SAE1: variants seen among roughly 807,000 people sequenced by gnomAD.
SAE1 encodes the protein SUMO1 activating enzyme subunit 1, also known as SUMO-activating enzyme subunit 1.
Under a neutral mutation model 40.6 loss-of-function variants are expected in SAE1, and 11 were observed. The observed-to-expected ratio is 0.27, with a 90% CI of 0.17 to 0.45. SAE1 has a LOEUF of 0.45. Ranked by LOEUF, SAE1 falls within the 20% of genes least tolerant of loss-of-function variation. SAE1 has a pLI of 1.00. For missense variants in SAE1, 373 were observed against 427.3 expected (o/e 0.87, Z 1.12); for synonymous variants, 155 against 154.3 (o/e 1.00, Z -0.03).
chr19:47,146,764 C>G (rs977220172), intron 2 of SAE1, among the ~76,000 whole-genome samples: 10 of 152,194 alleles, frequency 6.6e-5, no homozygotes, highest in Admixed American at 6.6e-4. Flanking sequence ...AGCCACCTCA[C>G]TATGGACCAC....
At chr19:47,159,410 C>T (rs1360762093) in intron 5 of SAE1, among the ~76,000 whole-genome samples, 1 of 152,092 alleles carries the variant, frequency 6.6e-6, no homozygotes, top group Non-Finnish European at 1.5e-5. Context: ...ATTTTAAGCT[C>T]CATAGGGGGA....
At chr19:47,175,325 G>A (rs2058462750) in intron 6 of SAE1, among the ~76,000 whole-genome samples, 1 of 152,038 alleles carries the variant, frequency 6.6e-6, no homozygotes, top group African/African-American at 2.4e-5. Context: ...TTCCTATAAG[G>A]AGACCAAGGT....
At chr19:47,194,236 T>C (rs1256360011) in intron 6 of SAE1, among the ~76,000 whole-genome samples, 1 of 152,168 alleles carries the variant, frequency 6.6e-6, no homozygotes, top group East Asian at 1.9e-4. Context: ...GTGGAGTGAA[T>C]GAATTCTACT....
chr19:47,200,002 C>T (rs945510198), intron 7 of SAE1, among the ~76,000 whole-genome samples: 1 of 151,568 alleles, frequency 6.6e-6, no homozygotes, highest in South Asian at 2.1e-4. Context: ...ATGATCTTGG[C>T]TCACTGCAAG....
At chr19:47,151,738 C>G (rs565719862) in intron 3 of SAE1, among the ~76,000 whole-genome samples, 2 of 152,306 alleles carry the variant, frequency 1.3e-5, no homozygotes, top group Middle Eastern at 6.8e-3. Flanking sequence ...TCCATTTGGA[C>G]ATAAGTCTTC....
At chr19:47,166,705 C>T (rs1194876204) in intron 5 of SAE1, among the ~76,000 whole-genome samples, 1 of 152,172 alleles carries the variant, frequency 6.6e-6, no homozygotes, top group African/African-American at 2.4e-5. Context: ...ATTCTGATGG[C>T]ATTCCCAGAC....
chr19:47,158,840 T>C (rs920152899), intron 5 of SAE1, among the ~76,000 whole-genome samples: 1 of 152,148 alleles, frequency 6.6e-6, no homozygotes. Flanking sequence ...GCATAGACAG[T>C]GGGTAAGGGC....
intron 1 of SAE1, among the ~76,000 whole-genome samples, chr19:47,134,613 A>G (rs1228999556): frequency 6.6e-6 from 1 of 151,240 alleles, no homozygotes; most frequent in African/African-American, 2.4e-5. Flanking sequence ...CTGAGATCCT[A>G]AAGGGTTGGG....
At chr19:47,158,803 C>T (rs2058339679) in intron 5 of SAE1, among the ~76,000 whole-genome samples, 1 of 152,158 alleles carries the variant, frequency 6.6e-6, no homozygotes, top group African/African-American at 2.4e-5. Context: ...TGACCAAGGC[C>T]ACACAGCTGT....
At chr19:47,199,917 C>T (rs2058641858) in intron 7 of SAE1, among the ~76,000 whole-genome samples, 1 of 151,618 alleles carries the variant, frequency 6.6e-6, no homozygotes, top group African/African-American at 2.4e-5. Context: ...AAACTGCTGC[C>T]TATGTTTAGA....
Position 47,143,531 on chromosome 19 carries a change from G to A in SAE1, c.136G>A (p.Gly46Arg), listed in dbSNP as rs2058235800. The A allele has an allele frequency of 6.2e-7, 1 of 1,614,128 alleles. No homozygotes were observed. Among genetic ancestry groups the A allele is most frequent in the East Asian group, 2.2e-5 (1 of 44,880 alleles). Reference sequence around the variant, plus strand: ...TCGGGTGCTTCTTGTCGGCTTGAAAGGACTTGGGGCTGAAATTGCCAAGAA... The same window carrying A: ...TCGGGTGCTTCTTGTCGGCTTGAAAAGACTTGGGGCTGAAATTGCCAAGAA... ...ASRVLLVGLKGLGAEIAKNLI... is the reference protein window; with the variant it reads ...ASRVLLVGLKRLGAEIAKNLI... Residue 46 changes from glycine to arginine, a missense_variant, in exon 2 of 9, where the codon GGA becomes AGA. Physicochemically the swap from Gly to Arg is moderately radical, Grantham distance 125. Transcript: ENST00000270225.
chr19:47,187,062 G>A (rs1461188476), intron 6 of SAE1, among the ~76,000 whole-genome samples: 3 of 152,222 alleles, frequency 2.0e-5, no homozygotes, highest in Non-Finnish European at 4.4e-5. Context: ...GTGGATGACT[G>A]AATACATGCA....
intron 6 of SAE1, among the ~76,000 whole-genome samples, chr19:47,195,869 G>T (rs1318854245): frequency 2.0e-5 from 3 of 149,738 alleles, no homozygotes; most frequent in African/African-American, 7.4e-5. Context: ...TAGTAGCTGG[G>T]ACTACAGGCA....
chr19:47,139,244 G>A (rs1363348459), intron 1 of SAE1, among the ~76,000 whole-genome samples: 2 of 152,164 alleles, frequency 1.3e-5, no homozygotes, highest in African/African-American at 2.4e-5. Flanking sequence ...GGGTTTCACC[G>A]TGTTAGCCAC....
chr19:47,173,145 C>T (rs998052903), intron 6 of SAE1, among the ~76,000 whole-genome samples: 9 of 152,112 alleles, frequency 5.9e-5, no homozygotes, highest in African/African-American at 1.7e-4. Context: ...TCTACAGGCA[C>T]GCACCACCAC....
Position 47,150,303 on chromosome 19 carries a change from C to T in SAE1, c.312C>T (p.Pro104=). 1.9e-6 allele frequency: 3 copies of T among 1,613,772 alleles called. No homozygotes were observed. Among genetic ancestry groups the T allele is most frequent in the Non-Finnish European group, 2.5e-6 (3 of 1,179,796 alleles). Residue 104 remains proline, a synonymous_variant, in exon 3 of 9, where the codon CCC becomes CCT. Coordinates refer to ENST00000270225, the MANE Select transcript of SAE1 (RefSeq NM_005500.3). ...ASLERAQNLN[P]MVDVKVDTED... is the part of the protein sequence containing the mutation. Reference sequence around the variant, plus strand: ...TGGAGCGAGCTCAGAATCTCAACCCCATGGTGGATGTGAAGGTGGACACTG... The same window carrying T: ...TGGAGCGAGCTCAGAATCTCAACCCTATGGTGGATGTGAAGGTGGACACTG...
At chr19:47,141,685 C>T (rs2058222958) in intron 1 of SAE1, among the ~76,000 whole-genome samples, 3 of 151,902 alleles carry the variant, frequency 2.0e-5, no homozygotes, top group Non-Finnish European at 4.4e-5. Flanking sequence ...AGAAATGGTG[C>T]ATTTTGCGAG....
intron 5 of SAE1, among the ~76,000 whole-genome samples, chr19:47,164,639 C>CT (rs1166301382): frequency 0.03 from 2,381 of 78,414 alleles, 551 homozygotes; most frequent in African/African-American, 0.061. Context: ...GAGAATTCAC[C>CT]TTTTTTTTTT....
chr19:47,178,799 C>A (rs923421285), intron 6 of SAE1, among the ~76,000 whole-genome samples: 1 of 152,140 alleles, frequency 6.6e-6, no homozygotes, highest in Non-Finnish European at 1.5e-5. Context: ...ATGTGTTAAG[C>A]ACTGTATTTC....
Sources: gnomAD v4.1 joint callset for allele counts (sites outside exome capture counted in the v4.1 genomes callset) on GRCh38, gnomAD v4.1.1 for gene constraint, MANE v1.5 for transcripts, NCBI Gene and HGNC (gene_info 2026-07-23, HGNC 2026-07-21) for gene names.